Variants in LRP2 observed in about 807,000 individuals in gnomAD.
LRP2 encodes the protein low-density lipoprotein receptor-related protein 2.
In LRP2, 172 loss-of-function variants were observed where a neutral mutation model predicts 531.0. The ratio of observed to expected loss-of-function variants is 0.32; its 90% CI spans 0.29 to 0.37. The LOEUF is 0.37. Ranked by LOEUF, LRP2 falls within the 10% of genes least tolerant of loss-of-function variation. LRP2 has a pLI of 1.00. For missense variants in LRP2, 5,167 were observed against 5,868.3 expected (o/e 0.88, Z 3.90); for synonymous variants, 1,992 against 2,027.6 (o/e 0.98, Z 0.47).
chr2:169,151,576 G>T (rs933530927), intron 67 of LRP2, among the ~76,000 whole-genome samples: 1 of 152,138 alleles, frequency 6.6e-6, no homozygotes, highest in Non-Finnish European at 1.5e-5. Flanking sequence ...AAGATGAGTG[G>T]AAACAGCCTT....
At chr2:169,314,126 C>T (rs1159445300) in intron 3 of LRP2, among the ~76,000 whole-genome samples, 1 of 152,148 alleles carries the variant, frequency 6.6e-6, no homozygotes, top group Non-Finnish European at 1.5e-5. Flanking sequence ...AAACCTGGCA[C>T]AGTGGCTCGT....
chr2:169,150,732 G>A (rs938473788), intron 68 of LRP2, among the ~76,000 whole-genome samples, 166 bp downstream of exon 68: 1 of 152,138 alleles, frequency 6.6e-6, no homozygotes, highest in Non-Finnish European at 1.5e-5. Flanking sequence ...GGTTCTATAT[G>A]ATCTCAAGGG....
chr2:169,310,038 A>G (rs1029645077), intron 3 of LRP2, among the ~76,000 whole-genome samples: 3 of 151,816 alleles, frequency 2.0e-5, no homozygotes, highest in Non-Finnish European at 4.4e-5. Flanking sequence ...TGTTATTGGT[A>G]TATAGGAATG....
chr2:169,326,846 T>G (rs1685077996), intron 1 of LRP2, among the ~76,000 whole-genome samples: 1 of 139,086 alleles, frequency 7.2e-6, no homozygotes, highest in Non-Finnish European at 1.5e-5. Flanking sequence ...GTCTGAGATG[T>G]GGGGAGCGCC....
intron 34 of LRP2, among the ~76,000 whole-genome samples, chr2:169,216,747 C>T (rs1688811706): frequency 6.6e-6 from 1 of 152,102 alleles, no homozygotes; most frequent in Non-Finnish European, 1.5e-5. Flanking sequence ...AAGAAACCTA[C>T]ATCAATAATC....
chr2:169,163,655 T>G lies in LRP2; in HGVS notation c.11759-1055A>C, dbSNP rs1348489120. 2.0e-5 allele frequency among the ~76,000 whole-genome samples: 3 copies of G among 152,254 alleles called. No homozygotes were observed. The East Asian group carries it at 5.8e-4, about 29-fold the overall frequency. On this transcript the variant is annotated intron_variant, in intron 62 of 78. Coordinates refer to ENST00000649046, the MANE Select transcript of LRP2 (RefSeq NM_004525.3). Reference sequence around the variant, plus strand: ...AGAAGCAAACAGATCAAATGCCTGGTATGTTTCTGAGAGAAAGATATAACC... The same window carrying G: ...AGAAGCAAACAGATCAAATGCCTGGGATGTTTCTGAGAGAAAGATATAACC...
Position 169,226,406 on chromosome 2 carries a change from G to A in LRP2, c.5394+16C>T. 3 of 1,593,970 alleles carry A rather than the reference G, an allele frequency of 1.9e-6. No homozygotes were observed. The highest frequency in any genetic ancestry group is 2.6e-6 in the Non-Finnish European group (3 of 1,162,276). ...CAAGAATAAATTATATACTTTGAAT[G>A]TTATTCAAAACTTACTGGATTTTCA... is the stretch of plus-strand genomic sequence containing the variant. On this transcript the variant is annotated intron_variant, in intron 32 of 78. Transcript: ENST00000649046.
chr2:169,283,001 T>A lies in LRP2; in HGVS notation c.1043A>T (p.Glu348Val), dbSNP rs757247913. 2 of 1,613,982 alleles carry A rather than the reference T, an allele frequency of 1.2e-6. No homozygotes were observed. The highest frequency in any genetic ancestry group is 1.7e-6 in the Non-Finnish European group (2 of 1,179,898). Reference sequence around the variant, plus strand: ...TCCCCATATCTGGCAATCATCAAACTCTGCCATATGGAAAATACACATTTG... The same window carrying A: ...TCCCCATATCTGGCAATCATCAAACACTGCCATATGGAAAATACACATTTG... The part of the protein sequence containing the change: ...INHNDSRTCV[E>V]FDDCQIWGIC... Residue 348 changes from glutamate to valine, a missense_variant and splice_region_variant, in exon 10 of 79, where the codon GAG becomes GTG. This residue lies in a region of LRP2 where 2,811 missense variants were observed against 3,058.0 expected (regional missense o/e 0.92). Transcript: ENST00000649046.
rs1689412970 is a variant in LRP2, at chr2:169,231,771, A to G, written c.5170T>C (p.Ser1724Pro). The G allele has an allele frequency of 6.2e-7, 1 of 1,614,012 alleles. No homozygotes were observed. Among genetic ancestry groups the G allele is most frequent in the African/African-American group, 1.3e-5 (1 of 74,920 alleles). ...CTCCATCCTGAAGGACAAACACAGG[A>G]GTAAAAATGAGGCCCCTGTGAGGAA... ...LLSSQGPHFY[S>P]CVCPSGWSLS... Residue 1724 changes from serine (S) to proline (P), a missense_variant, in exon 31 of 79, where the codon TCC becomes CCC. Physicochemically the swap from Ser to Pro is moderately conservative, Grantham distance 74 (BLOSUM62 -1). This residue lies in a region of LRP2 where 2,811 missense variants were observed against 3,058.0 expected (regional missense o/e 0.92). Coordinates refer to ENST00000649046, the MANE Select transcript of LRP2 (RefSeq NM_004525.3).
chr2:169,238,975 G>A (rs978329352), intron 26 of LRP2, among the ~76,000 whole-genome samples: 3 of 152,128 alleles, frequency 2.0e-5, no homozygotes, highest in Non-Finnish European at 4.4e-5. Context: ...GCTAAAACCT[G>A]GAGCATTGGA....
At chr2:169,163,827 A>T (rs969761790) in intron 62 of LRP2, among the ~76,000 whole-genome samples, 4 of 152,120 alleles carry the variant, frequency 2.6e-5, no homozygotes, top group African/African-American at 9.7e-5. Context: ...TTCCCTCTTC[A>T]TTTGCAGAGG....
At chr2:169,329,028 G>T (rs1346402334) in intron 1 of LRP2, among the ~76,000 whole-genome samples, 2 of 152,184 alleles carry the variant, frequency 1.3e-5, no homozygotes, top group African/African-American at 4.8e-5. Context: ...TTACACTGAG[G>T]CAGTCTGATT....
At chr2:169,244,003 C>G (rs2105388468) in intron 22 of LRP2, among the ~76,000 whole-genome samples, 1 of 152,252 alleles carries the variant, frequency 6.6e-6, no homozygotes, top group Non-Finnish European at 1.5e-5. Flanking sequence ...AAGACCATAG[C>G]CTTGGAGTCG....
At position 169,157,512 on chromosome 2, in the gene LRP2, A is replaced by G. The variant is rs199803112; in HGVS notation, c.11888-10T>C. On this transcript the variant is annotated splice_polypyrimidine_tract_variant and intron_variant, in intron 63 of 78. Transcript: ENST00000649046. ...CTTTCTTTTCCTTTATCTGAAAAAC[A>G]AAATCCCAGCATTACAAACCAGATC... 1.2e-5 allele frequency: 20 copies of G among 1,612,266 alleles called. No homozygotes were observed. In the African/African-American group the frequency reaches 2.0e-4, roughly 16 times the overall value.
rs778812353 is a variant in LRP2 at position 169,244,649 on chromosome 2, A to G, written c.3430+44T>C. On this transcript the variant is annotated intron_variant, in intron 22 of 78. Transcript: ENST00000649046. The stretch of plus-strand genomic sequence containing the variant: ...CAAGGCCATTTGGTTGTTGAAGTCT[A>G]TTTACGAGGCTGACCAACCAAGGGA... The G allele has an allele frequency of 8.1e-6, 13 of 1,613,700 alleles. No individual in the cohort carries two copies. The South Asian group carries it at 1.3e-4, about 16-fold the overall frequency.
chr2:169,189,139 A>T (rs1289304355), intron 48 of LRP2, among the ~76,000 whole-genome samples: 1 of 152,200 alleles, frequency 6.6e-6, no homozygotes, highest in Admixed American at 6.5e-5. Context: ...GGTCTCACAT[A>T]TGCATCAAGG....
Position 169,138,361 on chromosome 2 carries a change from G to A in LRP2, c.13518+216C>T, listed in dbSNP as rs1050838371. Among the ~76,000 whole-genome samples the A allele has an allele frequency of 9.2e-5, 14 of 152,086 alleles. No individual in the cohort carries two copies. In the East Asian group the frequency reaches 9.6e-4, roughly 10 times the overall value. On this transcript the variant is annotated intron_variant, in intron 75 of 78. Coordinates refer to ENST00000649046, the MANE Select transcript of LRP2 (RefSeq NM_004525.3). ...CTGTTCATGATTCCAATTCAACAGC[G>A]TGGCTTAGAGCAGGGGTAAATTCCA...
chr2:169,229,032 T>C (rs960541794), intron 31 of LRP2, among the ~76,000 whole-genome samples: 3 of 152,168 alleles, frequency 2.0e-5, no homozygotes, highest in African/African-American at 7.2e-5. Context: ...TACCACGAAG[T>C]GCCACAGGCA....
chr2:169,258,713 G>A (rs1690412191), intron 17 of LRP2, among the ~76,000 whole-genome samples: 1 of 152,066 alleles, frequency 6.6e-6, no homozygotes, highest in South Asian at 2.1e-4. Context: ...TAATTCTGTT[G>A]CCTATTCACT....
Sources: gnomAD v4.1 joint callset for allele counts (sites outside exome capture counted in the v4.1 genomes callset) on GRCh38, gnomAD v4.1.1 for gene constraint, gnomAD v4.1.1 regional missense constraint, MANE v1.5 for transcripts, NCBI Gene and HGNC (gene_info 2026-07-23, HGNC 2026-07-21) for gene names.